The following NFKB1 variants were observed in gnomAD, a reference collection of about 807,000 sequenced individuals.
NFKB1 encodes the protein nuclear factor NF-kappa-B p105 subunit.
A neutral mutation model predicts 105.1 loss-of-function variants in NFKB1; 9 were observed. The ratio of observed to expected loss-of-function variants is 0.09; its 90% CI spans 0.05 to 0.15. The LOEUF is 0.15. Among genes scored for constraint, NFKB1 ranks in the 10% least tolerant of loss-of-function variants. The pLI, the probability that NFKB1 is intolerant of heterozygous loss-of-function variation, is 1.00. For synonymous variants in NFKB1, 440 were observed against 442.2 expected, an observed-to-expected ratio of 1.00 and a Z score of 0.06; for missense variants, 830 against 1,203.7, an observed-to-expected ratio of 0.69 and a Z score of 4.59.
Position 102,529,918 on chromosome 4 carries a change from A to G in NFKB1, c.118+4A>G. ...CCACAGATGGCACTGCCAACAGGTA[A>G]GAAAACTCATCCCTGTTACCCTGTT... On this transcript the variant is annotated splice_donor_region_variant and intron_variant, in intron 3 of 23. Transcript: ENST00000226574. 3.1e-6 allele frequency: 5 copies of G among 1,599,074 alleles called. No homozygotes were observed. Among genetic ancestry groups the G allele is most frequent in the Non-Finnish European group, 4.3e-6 (5 of 1,167,994 alleles).
intron 9 of NFKB1, among the ~76,000 whole-genome samples, chr4:102,581,731 A>G (rs541685699): frequency 6.6e-5 from 10 of 152,322 alleles, no homozygotes; most frequent in Admixed American, 2.0e-4. Context: ...AGTAATACTC[A>G]TTTCCAGATT....
intron 1 of NFKB1, among the ~76,000 whole-genome samples, chr4:102,523,158 T>TCA (rs1309053112): frequency 6.6e-6 from 1 of 152,168 alleles, no homozygotes; most frequent in African/African-American, 2.4e-5. Context: ...ATATCCAAGA[T>TCA]CACACAGCCA....
At chr4:102,502,365 C>T (rs534756223) in intron 1 of NFKB1, among the ~76,000 whole-genome samples, 1 of 141,356 alleles carries the variant, frequency 7.1e-6, no homozygotes, top group African/African-American at 2.7e-5. Context: ...CTCCCCCCTC[C>T]CCCCCTCCGT....
chr4:102,569,603 A>G (rs2149171650), intron 6 of NFKB1, among the ~76,000 whole-genome samples: 1 of 152,236 alleles, frequency 6.6e-6, no homozygotes, highest in East Asian at 1.9e-4. Flanking sequence ...AAGAGTATAG[A>G]TTCACAAGCA....
chr4:102,533,719 C>T, intron 3 of NFKB1, 126 bp from the exon 4 acceptor site: 1 of 775,972 alleles, frequency 1.3e-6, no homozygotes, highest in Non-Finnish European at 2.1e-6. Flanking sequence ...GGAATTTTAA[C>T]CAAAAATTGA....
rs754187388 is a variant in NFKB1, at chr4:102,502,390, G to GCACACACA, written c.-8+632_-8+639dup. 4.0e-3 allele frequency among the ~76,000 whole-genome samples: 418 copies of GCACACACA among 105,280 alleles called. 6 individuals carry two copies. Among genetic ancestry groups the GCACACACA allele is most frequent in the African/African-American group, 0.014 (341 of 23,910 alleles). 69.1% of individuals were successfully genotyped at this position (105,280 alleles called of 152,430 possible). ...CCCCCCTCCGTGCGCGCGCGCGCGC[G>GCACACACA]CACACACACACACACACACACACAC... On this transcript the variant is annotated intron_variant, in intron 1 of 23. Transcript: ENST00000226574.
intron 19 of NFKB1, among the ~76,000 whole-genome samples, chr4:102,610,278 A>G (rs1386266475): frequency 3.9e-5 from 6 of 152,252 alleles, no homozygotes; most frequent in Non-Finnish European, 1.5e-5. Flanking sequence ...AAGATGCACT[A>G]TTCAGTTGAG....
intron 6 of NFKB1, among the ~76,000 whole-genome samples, chr4:102,572,163 G>A (rs1724423943): frequency 1.3e-5 from 2 of 152,136 alleles, no homozygotes; most frequent in African/African-American, 4.8e-5. Context: ...CATAAGAAAG[G>A]ATGAGCTCAT....
At chr4:102,520,140 C>G (rs6841533) in intron 1 of NFKB1, among the ~76,000 whole-genome samples, 1 of 152,254 alleles carries the variant, frequency 6.6e-6, no homozygotes, top group East Asian at 1.9e-4. Flanking sequence ...TGTCTTCAAA[C>G]GTTGCCAAAT....
intron 5 of NFKB1, among the ~76,000 whole-genome samples, chr4:102,553,252 C>A (rs933572164): frequency 9.2e-5 from 14 of 152,112 alleles, no homozygotes; most frequent in Non-Finnish European, 1.9e-4. Context: ...CTAATTGCTT[C>A]TCTAGCCAGT....
chr4:102,565,850 C>A (rs1723823786), intron 5 of NFKB1, among the ~76,000 whole-genome samples: 1 of 152,106 alleles, frequency 6.6e-6, no homozygotes, highest in African/African-American at 2.4e-5. Flanking sequence ...TTCAGTTCTT[C>A]AAAAAGTACA....
chr4:102,528,475 C>T (rs537970368), intron 2 of NFKB1, among the ~76,000 whole-genome samples: 2 of 152,158 alleles, frequency 1.3e-5, no homozygotes, highest in Admixed American at 1.3e-4. Flanking sequence ...CTTAATTTAA[C>T]TAGGCATACG....
At chr4:102,601,463 T>G (rs571749314) in intron 16 of NFKB1, among the ~76,000 whole-genome samples, 16 of 152,236 alleles carry the variant, frequency 1.1e-4, no homozygotes, top group African/African-American at 3.4e-4. Flanking sequence ...ACAGAAAGGT[T>G]AAAAGTTTGC....
intron 1 of NFKB1, among the ~76,000 whole-genome samples, chr4:102,524,050 C>T (rs1295716309): frequency 1.3e-5 from 2 of 151,362 alleles, no homozygotes; most frequent in African/African-American, 4.9e-5. Context: ...AGAAAAATAA[C>T]CCCAGGAATT....
chr4:102,508,364 A>G (rs955059957), intron 1 of NFKB1, among the ~76,000 whole-genome samples: 2 of 152,312 alleles, frequency 1.3e-5, no homozygotes, highest in South Asian at 2.1e-4. Flanking sequence ...GTGGGTGGCT[A>G]TTTATGTAGA....
chr4:102,515,409 C>G (rs1027726924), intron 1 of NFKB1, among the ~76,000 whole-genome samples: 3 of 152,074 alleles, frequency 2.0e-5, no homozygotes, highest in African/African-American at 7.2e-5. Context: ...CGCGCCCGGC[C>G]CCATGTAATA....
chr4:102,568,814 T>C (rs1724083659), intron 6 of NFKB1, among the ~76,000 whole-genome samples: 3 of 152,152 alleles, frequency 2.0e-5, no homozygotes, highest in African/African-American at 7.2e-5. Flanking sequence ...TTCACTCTTG[T>C]AGTGCAGTGG....
At chr4:102,612,355 A>T (rs780437147) in intron 21 of NFKB1, 79 bp from the exon 22 acceptor site, 214 of 1,470,186 alleles carry the variant, frequency 1.5e-4, no homozygotes, top group Non-Finnish European at 1.9e-4. Flanking sequence ...TTGGACAGCA[A>T]GCCAGGCAGC....
At chr4:102,537,531 C>G (rs1162774986) in intron 4 of NFKB1, 4 of 173,128 alleles carry the variant, frequency 2.3e-5, no homozygotes, top group South Asian at 1.4e-4. Flanking sequence ...CAAGGAAGCT[C>G]TGACTAGAAC....
Sources: allele counts gnomAD v4.1 joint callset (sites outside exome capture counted in the v4.1 genomes callset), GRCh38; gene constraint gnomAD v4.1.1; transcripts MANE v1.5; gene names NCBI Gene and HGNC (gene_info 2026-07-23, HGNC 2026-07-21).